Variants in LYAR observed in about 807,000 individuals in gnomAD.
LYAR encodes Ly1 antibody reactive.
A neutral mutation model predicts 45.2 loss-of-function variants in LYAR; 37 were observed. The observed-to-expected ratio is 0.82, with a 90% CI of 0.63 to 1.08. The LOEUF (loss-of-function observed/expected upper bound fraction) is 1.08, where lower values mean the gene tolerates loss of function less well. Among genes scored for constraint, LYAR ranks in the 50% least tolerant of loss-of-function variants. The probability of loss-of-function intolerance (pLI) is 0.00; values close to 1 mark genes in which losing one functional copy is unlikely to be tolerated. For synonymous variants in LYAR, 176 were observed against 155.1 expected, an observed-to-expected ratio of 1.14 and a Z score of -1.00; for missense variants, 493 against 451.0, an observed-to-expected ratio of 1.09 and a Z score of -0.84.
rs193228408 is a variant in LYAR, at chr4:4,273,758, A to G, written c.833-89T>C. The G allele has an allele frequency of 7.0e-4, 495 of 707,714 alleles. No individual in the cohort carries two copies. The African/African-American group carries it at 8.4e-3, about 12-fold the overall frequency. 43.8% of individuals were successfully genotyped at this position (707,714 alleles called of 1,614,324 possible). On this transcript the variant is annotated intron_variant, in intron 7 of 9. Coordinates refer to ENST00000343470, the MANE Select transcript of LYAR (RefSeq NM_017816.3). ...ATGAGACCTTATGCGAGCTAGGCAA[A>G]CTCCACGTATCATCTCATTTCTTCT...
chr4:4,281,843 AC>A lies in LYAR; in HGVS notation c.176del (p.Gly59ValfsTer26). On this transcript the variant is annotated frameshift_variant, in exon 4 of 10. Transcript: ENST00000343470. LOFTEE classifies it high-confidence loss of function. ...GGGTTTTACCTTCATAGCCTTTGCCACCATACTTCTGATCTTCACTTATGCA... is the reference window on the plus strand; with the variant it reads ...GGGTTTTACCTTCATAGCCTTTGCCACATACTTCTGATCTTCACTTATGCA... ...VKCISEDQKY[G>X]GKGYEGKTHK... 1 of 1,614,124 alleles carries A rather than the reference AC, an allele frequency of 6.2e-7. No individual in the cohort carries two copies. Among genetic ancestry groups the A allele is most frequent in the Non-Finnish European group, 8.5e-7 (1 of 1,180,010 alleles).
intron 6 of LYAR, 29 bp downstream of exon 6, chr4:4,279,418 A>C (rs58621039): frequency 6.9e-7 from 1 of 1,448,878 alleles, no homozygotes; most frequent in Non-Finnish European, 9.6e-7. Flanking sequence ...TTTTGCCACA[A>C]TGCAAATCTA....
intron 6 of LYAR, 118 bp downstream of exon 6, chr4:4,279,329 C>T: frequency 1.4e-6 from 1 of 714,276 alleles, no homozygotes; most frequent in Non-Finnish European, 2.3e-6. Context: ...AAGACTCCAT[C>T]TCAAAAAAAT....
intron 8 of LYAR, 126 bp from the exon 9 acceptor site, chr4:4,268,741 C>T (rs1186702916): frequency 1.8e-5 from 11 of 621,780 alleles, no homozygotes; most frequent in Non-Finnish European, 3.1e-5. Context: ...GAACCAGACT[C>T]CATAGCACCA....
chr4:4,285,619 T>C (rs959302777), intron 2 of LYAR, among the ~76,000 whole-genome samples: 9 of 152,246 alleles, frequency 5.9e-5, no homozygotes, highest in Non-Finnish European at 1.2e-4. Flanking sequence ...GCAGCCGTGA[T>C]ATGCCAAATT....
intron 1 of LYAR, among the ~76,000 whole-genome samples, chr4:4,288,508 C>T (rs1383449853): frequency 1.6e-5 from 2 of 128,600 alleles, no homozygotes; most frequent in East Asian, 2.3e-4. Context: ...TTTTTTGAGA[C>T]GGAGTCTCAT....
In LYAR at chr4:4,271,025, A is replaced by T. The variant is rs368036969; in HGVS notation, c.920-2410T>A. 5.3e-5 allele frequency among the ~76,000 whole-genome samples: 8 copies of T among 152,340 alleles called. No homozygotes were observed. The East Asian group carries it at 1.3e-3, about 26-fold the overall frequency. On this transcript the variant is annotated intron_variant, in intron 8 of 9. Transcript: ENST00000343470. ...ATCCTTTTGTGTTACAAACAATCCAATTATACTCTAGTTATTTTAAAATGT... is the reference window on the plus strand; with the variant it reads ...ATCCTTTTGTGTTACAAACAATCCATTTATACTCTAGTTATTTTAAAATGT...
chr4:4,268,663 C>A, intron 8 of LYAR, 48 bp from the exon 9 acceptor site: 1 of 1,296,266 alleles, frequency 7.7e-7, no homozygotes, highest in Admixed American at 1.9e-5. Context: ...TGTTGTACTA[C>A]GAGAAGGGTA....
chr4:4,267,982 T>A lies in LYAR; in HGVS notation c.1047A>T (p.Arg349Ser). The A allele has an allele frequency of 6.2e-7, 1 of 1,612,580 alleles. No individual in the cohort carries two copies. Among genetic ancestry groups the A allele is most frequent in the Non-Finnish European group, 8.5e-7 (1 of 1,179,736 alleles). Reference sequence around the variant, plus strand: ...AGATGACCAGGAGTTCCTCTTCGGATCTGTGATGCTCATCTGTCACTGTGT... The same window carrying A: ...AGATGACCAGGAGTTCCTCTTCGGAACTGTGATGCTCATCTGTCACTGTGT... Reference protein sequence around the residue: ...QYYTVTDEHHRSEEELLVIFN... With the variant: ...QYYTVTDEHHSSEEELLVIFN... The change falls in exon 10 of 10, where the codon AGA (arginine) becomes AGT (serine). Residue 349 changes from arginine (R) to serine (S), a missense_variant. Transcript: ENST00000343470.
rs146364673 is a variant in LYAR, at chr4:4,281,711, T to C, written c.237+72A>G. 12 of 1,102,020 alleles carry C rather than the reference T, an allele frequency of 1.1e-5. No homozygotes were observed. The East Asian group carries it at 2.6e-4, about 24-fold the overall frequency. 68.3% of individuals were successfully genotyped at this position (1,102,020 alleles called of 1,614,324 possible). A position where few individuals can be genotyped will look rare whatever the true frequency, so the allele number is the denominator to read the frequency against. ...GTCTGCAGGGATGACACATTTACTC[T>C]TAGTCTCTTGGGCTTCCAAAGAAAG... On this transcript the variant is annotated intron_variant, in intron 4 of 9. Transcript: ENST00000343470.
chr4:4,279,587 G>A, intron 5 of LYAR, 55 bp downstream of exon 5: 1 of 1,554,958 alleles, frequency 6.4e-7, no homozygotes. Context: ...GTACACACAA[G>A]CTCAGTCACT....
At chr4:4,268,420 C>A in intron 9 of LYAR, 110 bp downstream of exon 9, 1 of 756,334 alleles carries the variant, frequency 1.3e-6, no homozygotes, top group Non-Finnish European at 2.2e-6. Context: ...CTGAGACACA[C>A]ACACAGATTT....
At position 4,273,427 on chromosome 4, in the gene LYAR, C is replaced by A. The variant is rs41264701; in HGVS notation, c.919+156G>T. Among the ~76,000 whole-genome samples the A allele has an allele frequency of 6.8e-3, 1,034 of 152,280 alleles. 3 individuals carry two copies. Among genetic ancestry groups the A allele is most frequent in the Non-Finnish European group, 0.01 (708 of 68,036 alleles). On this transcript the variant is annotated intron_variant, in intron 8 of 9. Coordinates refer to ENST00000343470, the MANE Select transcript of LYAR (RefSeq NM_017816.3). ...TGTATTTCTCTCTTTTCTTTTCTCT[C>A]TCTCTCGCTTTTTGAAAGTGGTACG...
At chr4:4,278,464 G>GTGGC (rs1223011692) in intron 6 of LYAR, among the ~76,000 whole-genome samples, 1 of 152,134 alleles carries the variant, frequency 6.6e-6, no homozygotes, top group Non-Finnish European at 1.5e-5. Flanking sequence ...TGACTAACAG[G>GTGGC]TGGCTGATTT....
chr4:4,272,877 G>GC (rs1256917547), intron 8 of LYAR, among the ~76,000 whole-genome samples: 1 of 152,170 alleles, frequency 6.6e-6, no homozygotes. Flanking sequence ...CCTGGGGGTT[G>GC]GGGGAGGTGG....
intron 4 of LYAR, 54 bp from the exon 5 acceptor site, chr4:4,279,803 T>G: frequency 8.4e-7 from 1 of 1,195,706 alleles, no homozygotes; most frequent in Admixed American, 2.0e-5. Flanking sequence ...AACATGAGTT[T>G]CATGAAAGCC....
At chr4:4,268,109 C>A in intron 9 of LYAR, 86 bp from the exon 10 acceptor site, 2 of 1,262,956 alleles carry the variant, frequency 1.6e-6, no homozygotes, top group Non-Finnish European at 2.1e-6. Flanking sequence ...AATAGAACAA[C>A]AGGAAAAAAT....
chr4:4,284,762 T>C (rs1353683866), intron 2 of LYAR, among the ~76,000 whole-genome samples: 1 of 152,194 alleles, frequency 6.6e-6, no homozygotes, highest in Admixed American at 6.5e-5. Context: ...AGCATTGTTG[T>C]TTTACATTAT....
At chr4:4,285,735 A>T (rs1486784407) in intron 2 of LYAR, among the ~76,000 whole-genome samples, 2 of 152,350 alleles carry the variant, frequency 1.3e-5, no homozygotes, top group African/African-American at 2.4e-5. Flanking sequence ...GTTGCTGAGG[A>T]CAATTCTATT....
Sources: allele counts gnomAD v4.1 joint callset (sites outside exome capture counted in the v4.1 genomes callset), GRCh38; gene constraint gnomAD v4.1.1; transcripts MANE v1.5; gene names NCBI Gene and HGNC (gene_info 2026-07-23, HGNC 2026-07-21).